Variants in MBD5 observed in about 807,000 individuals in gnomAD.
MBD5 encodes the protein methyl-CpG-binding domain protein 5.
MBD5 carries 13 observed loss-of-function variants against 117.3 expected under a neutral mutation model. The observed-to-expected ratio is 0.11, with a 90% CI of 0.07 to 0.18. The LOEUF (loss-of-function observed/expected upper bound fraction) is 0.18, where lower values mean the gene tolerates loss of function less well. Ranked by LOEUF, MBD5 falls within the 10% of genes least tolerant of loss-of-function variation. The pLI is 1.00. For synonymous variants in MBD5, 727 were observed against 766.4 expected, an observed-to-expected ratio of 0.95 and a Z score of 0.85; for missense variants, 1,879 against 2,093.8, an observed-to-expected ratio of 0.90 and a Z score of 2.00.
At chr2:148,417,785 T>C (rs371916147) in intron 4 of MBD5, among the ~76,000 whole-genome samples, 5 of 152,112 alleles carry the variant, frequency 3.3e-5, no homozygotes, top group East Asian at 3.8e-4. Flanking sequence ...ATCAAGCCAT[T>C]TGCCCACTTT....
At chr2:148,281,589 A>G (rs952418722) in intron 3 of MBD5, among the ~76,000 whole-genome samples, 3 of 151,794 alleles carry the variant, frequency 2.0e-5, no homozygotes, top group Non-Finnish European at 4.4e-5. Flanking sequence ...AAAATTCATG[A>G]TCTTTCAATT....
rs756965845 is a variant in MBD5 at position 148,342,302 on chromosome 2, A to T, written c.-591A>T. Reference sequence around the variant, plus strand: ...CCATTACACTGCTGAGTCACACACAACGCTTGTTATGTTTTCATCACTTCT... The same window carrying T: ...CCATTACACTGCTGAGTCACACACATCGCTTGTTATGTTTTCATCACTTCT... On this transcript the variant is annotated 5_prime_UTR_variant, in exon 4 of 14. Transcript: ENST00000642680. 1 of 152,052 alleles carries T rather than the reference A, an allele frequency of 6.6e-6. No homozygotes were observed. The highest frequency in any genetic ancestry group is 1.5e-5 in the Non-Finnish European group (1 of 67,968). 9.4% of individuals were successfully genotyped at this position (152,052 alleles called of 1,614,324 possible).
chr2:148,144,173 T>G (rs907695301), intron 1 of MBD5, among the ~76,000 whole-genome samples: 6 of 151,956 alleles, frequency 3.9e-5, no homozygotes, highest in African/African-American at 1.2e-4. Flanking sequence ...ATTGTGGTTT[T>G]GATTTGCATT....
chr2:148,057,451 A>AT (rs201252271), intron 1 of MBD5, among the ~76,000 whole-genome samples: 4,353 of 148,422 alleles, frequency 0.029, 145 homozygotes, highest in Admixed American at 0.068. Flanking sequence ...TTCTATTGTG[A>AT]TTTTTTTTTC....
At chr2:148,066,485 CTTTTTTT>C (rs1216245986) in intron 1 of MBD5, among the ~76,000 whole-genome samples, 2 of 138,100 alleles carry the variant, frequency 1.4e-5, no homozygotes, top group African/African-American at 2.6e-5. Context: ...CCATTTTTTT[CTTTTTTT>C]TTTTTTTTTG....
At chr2:148,412,272 T>TTGTGTGTGTG (rs59209677) in intron 4 of MBD5, among the ~76,000 whole-genome samples, 15,662 of 144,426 alleles carry the variant, frequency 0.11, 922 homozygotes, top group Middle Eastern at 0.18. Context: ...AGTATACTTT[T>TTGTGTGTGTG]TGTGTGTGTG....
chr2:148,305,013 C>T (rs1384544141), intron 3 of MBD5, among the ~76,000 whole-genome samples: 3 of 150,846 alleles, frequency 2.0e-5, no homozygotes, highest in Admixed American at 6.6e-5. Context: ...TGCAGTGAGC[C>T]GAGATCCCGC....
At chr2:148,255,055 A>G (rs1430735332) in intron 3 of MBD5, among the ~76,000 whole-genome samples, 1 of 152,204 alleles carries the variant, frequency 6.6e-6, no homozygotes, top group Non-Finnish European at 1.5e-5. Flanking sequence ...GTGGTACAGA[A>G]CCAACAGCTG....
At chr2:148,203,776 T>G (rs546014173) in intron 2 of MBD5, among the ~76,000 whole-genome samples, 1 of 122,860 alleles carries the variant, frequency 8.1e-6, no homozygotes, top group Admixed American at 9.3e-5. Flanking sequence ...TCATCTCACC[T>G]TTGTTCCCAT....
At chr2:148,035,347 A>G (rs1471182648) in intron 1 of MBD5, among the ~76,000 whole-genome samples, 1 of 152,132 alleles carries the variant, frequency 6.6e-6, no homozygotes, top group Non-Finnish European at 1.5e-5. Flanking sequence ...TATAATCTGT[A>G]TGTTATGCGT....
intron 1 of MBD5, among the ~76,000 whole-genome samples, chr2:148,087,449 A>G (rs573351220): frequency 6.2e-4 from 95 of 152,282 alleles, no homozygotes; most frequent in African/African-American, 2.3e-3. Context: ...TTCTACAACC[A>G]ATTACAGAGT....
chr2:148,236,585 G>A (rs927651378), intron 3 of MBD5, among the ~76,000 whole-genome samples: 6 of 152,084 alleles, frequency 3.9e-5, no homozygotes, highest in East Asian at 1.9e-4. Context: ...AATAGTCAGC[G>A]AATCATGCTG....
chr2:148,062,741 T>C (rs1695074292), intron 1 of MBD5, among the ~76,000 whole-genome samples: 1 of 152,102 alleles, frequency 6.6e-6, no homozygotes, highest in African/African-American at 2.4e-5. Context: ...CTCTTTTCTT[T>C]GCCAACATAC....
At chr2:148,390,867 A>C (rs936798315) in intron 4 of MBD5, among the ~76,000 whole-genome samples, 4 of 152,176 alleles carry the variant, frequency 2.6e-5, no homozygotes, top group African/African-American at 4.8e-5. Context: ...AGCCTATAGT[A>C]ATAATTGTTA....
intron 4 of MBD5, among the ~76,000 whole-genome samples, chr2:148,429,156 A>G (rs1705903668): frequency 6.6e-6 from 1 of 152,162 alleles, no homozygotes; most frequent in Non-Finnish European, 1.5e-5. Context: ...CAAGAAAAAA[A>G]GAGACAATCC....
intron 3 of MBD5, among the ~76,000 whole-genome samples, chr2:148,274,232 A>G (rs1701049130): frequency 6.6e-6 from 1 of 151,792 alleles, no homozygotes; most frequent in Non-Finnish European, 1.5e-5. Flanking sequence ...CACACAAACC[A>G]CTTTTTTTAA....
chr2:148,476,089 G>A (rs1054132389), intron 8 of MBD5, among the ~76,000 whole-genome samples: 15 of 152,266 alleles, frequency 9.9e-5, no homozygotes, highest in South Asian at 6.2e-4. Flanking sequence ...AGGGAAGTCC[G>A]TATTATCTAT....
Position 148,437,065 on chromosome 2 carries a change from C to T in MBD5, c.-556-21138C>T, listed in dbSNP as rs191191805. ...TGGCACGATCTCGGCTCACTGCAAC[C>T]TCCACCTCCCTGGCTCAAGCGATTC... is the stretch of plus-strand genomic sequence containing the variant. On this transcript the variant is annotated intron_variant, in intron 4 of 13. Transcript: ENST00000642680. Among the ~76,000 whole-genome samples, 838 of 152,210 alleles carry T rather than the reference C, an allele frequency of 5.5e-3. 7 individuals are homozygous for T. The highest frequency in any genetic ancestry group is 0.02 in the African/African-American group (811 of 41,516).
In MBD5 at chr2:148,485,947, T is replaced by C; in HGVS notation, c.3750T>C (p.Phe1250=). The C allele has an allele frequency of 6.2e-7, 1 of 1,613,230 alleles. No individual in the cohort carries two copies. The highest frequency in any genetic ancestry group is 8.5e-7 in the Non-Finnish European group (1 of 1,179,160). ...CCATGGCTTGTCTGTTTCAGAACTTTCAGGTACTCTCCTCTGCTGTGTCAT... is the reference window on the plus strand; with the variant it reads ...CCATGGCTTGTCTGTTTCAGAACTTCCAGGTACTCTCCTCTGCTGTGTCAT... ...NNPMACLFQN[F]QVRMQEDAAL... The change falls in exon 10 of 14, where the codon TTT becomes TTC. Residue 1250 remains phenylalanine, a synonymous_variant. Coordinates refer to ENST00000642680, the MANE Select transcript of MBD5 (RefSeq NM_001378120.1).
Sources: allele counts gnomAD v4.1 joint callset (sites outside exome capture counted in the v4.1 genomes callset), GRCh38; gene constraint gnomAD v4.1.1; transcripts MANE v1.5; gene names NCBI Gene and HGNC (gene_info 2026-07-23, HGNC 2026-07-21).